Variants in CEP112 observed in about 807,000 individuals in gnomAD.
CEP112 encodes centrosomal protein 112.
Under a neutral mutation model 153.0 loss-of-function variants are expected in CEP112, and 127 were observed. That is an observed-to-expected ratio of 0.83 (90% confidence interval 0.72 to 0.96). CEP112 has a LOEUF of 0.96. Ranked by LOEUF, CEP112 falls within the 40% of genes least tolerant of loss-of-function variation. The pLI, the probability that CEP112 is intolerant of heterozygous loss-of-function variation, is 0.00. For missense variants in CEP112, 1,089 were observed against 1,101.2 expected, an observed-to-expected ratio of 0.99 and a Z score of 0.16; for synonymous variants, 358 against 374.4, an observed-to-expected ratio of 0.96 and a Z score of 0.51.
chr17:65,875,301 C>T (rs1013045181), intron 20 of CEP112, among the ~76,000 whole-genome samples: 2 of 152,014 alleles, frequency 1.3e-5, no homozygotes, highest in East Asian at 1.9e-4. Context: ...TCTTTACAAA[C>T]TTTTTCCACT....
At chr17:65,802,948 C>T (rs1162982742) in intron 21 of CEP112, among the ~76,000 whole-genome samples, 1 of 152,208 alleles carries the variant, frequency 6.6e-6, no homozygotes, top group African/African-American at 2.4e-5. Context: ...CAAGTGCCTT[C>T]ACCAAATGAA....
Position 66,079,935 on chromosome 17 carries a change from T to C in CEP112, c.769-9934A>G, listed in dbSNP as rs56251788. Reference sequence around the variant, plus strand: ...AGGATTCCCTATTTAATAAATGGTGTTGGGAAAACTGGCTAGCCATAGGTA... The same window carrying C: ...AGGATTCCCTATTTAATAAATGGTGCTGGGAAAACTGGCTAGCCATAGGTA... On this transcript the variant is annotated intron_variant, in intron 8 of 26. Coordinates refer to ENST00000535342, the MANE Select transcript of CEP112 (RefSeq NM_001199165.4). Among the ~76,000 whole-genome samples, 1,041 of 152,040 alleles carry C rather than the reference T, an allele frequency of 6.8e-3. 13 individuals carry two copies. Among genetic ancestry groups the C allele is most frequent in the African/African-American group, 0.023 (969 of 41,450 alleles).
In CEP112 at chr17:66,123,052, T is replaced by C. The variant is rs990502350; in HGVS notation, c.642+6694A>G. 2.6e-5 allele frequency among the ~76,000 whole-genome samples: 4 copies of C among 152,216 alleles called. No individual in the cohort carries two copies. In the South Asian group the frequency reaches 8.3e-4, roughly 32 times the overall value. On this transcript the variant is annotated intron_variant, in intron 6 of 26. Transcript: ENST00000535342. ...TCCCCCTGTACAAAAATCTATGAGCTACTACACTGGGCACTGTGCAGAGGG... is the reference window on the plus strand; with the variant it reads ...TCCCCCTGTACAAAAATCTATGAGCCACTACACTGGGCACTGTGCAGAGGG...
chr17:66,096,365 G>A (rs753920462), intron 7 of CEP112, 37 bp from the exon 8 acceptor site: 15 of 1,583,562 alleles, frequency 9.5e-6, no homozygotes, highest in African/African-American at 1.3e-5. Context: ...CATGTTTTCA[G>A]ATCTGGTTTA....
intron 20 of CEP112, among the ~76,000 whole-genome samples, chr17:65,874,791 C>T (rs1049568448): frequency 3.9e-5 from 6 of 152,034 alleles, no homozygotes; most frequent in Non-Finnish European, 5.9e-5. Flanking sequence ...CAACTTACTA[C>T]CCACATTGTA....
chr17:65,893,270 A>G (rs542724189), intron 20 of CEP112, among the ~76,000 whole-genome samples: 54 of 152,268 alleles, frequency 3.5e-4, no homozygotes, highest in African/African-American at 1.3e-3. Context: ...TCAATCTCTG[A>G]GGACACCATT....
At chr17:65,795,045 C>T (rs1047791795) in intron 21 of CEP112, among the ~76,000 whole-genome samples, 2 of 152,302 alleles carry the variant, frequency 1.3e-5, no homozygotes, top group South Asian at 4.1e-4. Context: ...ATATAAAGCC[C>T]TTTAATATAT....
intron 21 of CEP112, among the ~76,000 whole-genome samples, chr17:65,803,364 A>G (rs1371371484): frequency 6.6e-6 from 1 of 152,254 alleles, no homozygotes; most frequent in Non-Finnish European, 1.5e-5. Flanking sequence ...AGATAACTAA[A>G]ACAATAAATG....
intron 12 of CEP112, among the ~76,000 whole-genome samples, chr17:66,040,133 C>G (rs571351582): frequency 6.6e-6 from 1 of 152,264 alleles, no homozygotes; most frequent in South Asian, 2.1e-4. Context: ...TATCAAGGAG[C>G]TTTTCAAACT....
chr17:66,068,282 A>T (rs2067193157), intron 9 of CEP112, among the ~76,000 whole-genome samples: 1 of 152,138 alleles, frequency 6.6e-6, no homozygotes, highest in South Asian at 2.1e-4. Flanking sequence ...CTTAACAAGA[A>T]CAACAGAAAA....
intron 21 of CEP112, among the ~76,000 whole-genome samples, chr17:65,848,582 A>C (rs2146282268): frequency 6.6e-6 from 1 of 151,846 alleles, no homozygotes; most frequent in African/African-American, 2.4e-5. Context: ...TTGCTTTAAC[A>C]GTCCCACTCA....
At position 65,687,386 on chromosome 17, in the gene CEP112, C is replaced by T. The variant is rs186484667; in HGVS notation, c.2697+1743G>A. 2.8e-3 allele frequency among the ~76,000 whole-genome samples: 424 copies of T among 151,948 alleles called. 2 individuals carry two copies. The highest frequency in any genetic ancestry group is 9.6e-3 in the African/African-American group (397 of 41,456). The stretch of plus-strand genomic sequence containing the variant: ...TTCACCATGTTGGCCAGGCTGGTCT[C>T]GAACTCCTGACCTCGTTGATCCGCC... On this transcript the variant is annotated intron_variant, in intron 24 of 26. Coordinates refer to ENST00000535342, the MANE Select transcript of CEP112 (RefSeq NM_001199165.4).
intron 4 of CEP112, among the ~76,000 whole-genome samples, chr17:66,168,698 G>C (rs370937495): frequency 6.6e-6 from 1 of 151,968 alleles, no homozygotes; most frequent in Non-Finnish European, 1.5e-5. Flanking sequence ...TGATAATTTG[G>C]CATCTTGAAA....
At chr17:65,833,389 C>A (rs920140147) in intron 21 of CEP112, among the ~76,000 whole-genome samples, 4 of 152,070 alleles carry the variant, frequency 2.6e-5, no homozygotes, top group African/African-American at 9.7e-5. Context: ...TAAAGGACAT[C>A]CGAATAAGAA....
In CEP112 at chr17:65,768,508, T is replaced by C. The variant is rs114959040; in HGVS notation, c.2395-17784A>G. Among the ~76,000 whole-genome samples the C allele has an allele frequency of 8.0e-3, 1,210 of 152,162 alleles. 10 individuals carry two copies. Among genetic ancestry groups the C allele is most frequent in the African/African-American group, 0.024 (977 of 41,538 alleles). On this transcript the variant is annotated intron_variant, in intron 21 of 26. Coordinates refer to ENST00000535342, the MANE Select transcript of CEP112 (RefSeq NM_001199165.4). ...GATACCTAAGCCAGAAAAAGCAACA[T>C]AGGAAAACTATAGGCCAACCTCTCT... is the stretch of plus-strand genomic sequence containing the variant.
intron 21 of CEP112, among the ~76,000 whole-genome samples, chr17:65,790,506 C>A (rs2054528691): frequency 6.6e-6 from 1 of 152,206 alleles, no homozygotes. Flanking sequence ...CAAAAACCAC[C>A]AGCTTGGGCC....
intron 24 of CEP112, among the ~76,000 whole-genome samples, chr17:65,663,335 C>T (rs2046494771): frequency 6.6e-6 from 1 of 152,138 alleles, no homozygotes; most frequent in Non-Finnish European, 1.5e-5. Context: ...TTAATATATA[C>T]TTTAAATGTC....
chr17:65,954,977 A>T (rs1480758881), intron 18 of CEP112, among the ~76,000 whole-genome samples: 1 of 152,242 alleles, frequency 6.6e-6, no homozygotes, highest in East Asian at 1.9e-4. Context: ...CAGCCTTGCT[A>T]AAGGCCTAGA....
intron 18 of CEP112, among the ~76,000 whole-genome samples, chr17:65,955,409 C>A (rs12453039): frequency 0.48 from 73,014 of 151,978 alleles, 18,531 homozygotes; most frequent in East Asian, 0.89. Context: ...AAGCATAAAT[C>A]TCACAGGACC....
Sources: gnomAD v4.1 joint callset for allele counts (sites outside exome capture counted in the v4.1 genomes callset) on GRCh38, gnomAD v4.1.1 for gene constraint, MANE v1.5 for transcripts, NCBI Gene and HGNC (gene_info 2026-07-23, HGNC 2026-07-21) for gene names.